Variants in ZMIZ1 observed in about 807,000 individuals in gnomAD.
ZMIZ1 encodes the protein zinc finger MIZ-type containing 1, also known as zinc finger MIZ domain-containing protein 1.
In ZMIZ1, 17 loss-of-function variants were observed where a neutral mutation model predicts 113.9. That is an observed-to-expected ratio of 0.15 (90% confidence interval 0.10 to 0.22). The LOEUF (loss-of-function observed/expected upper bound fraction) is 0.22, where lower values mean the gene tolerates loss of function less well. Among genes scored for constraint, ZMIZ1 ranks in the 10% least tolerant of loss-of-function variants. The pLI is 1.00. For synonymous variants in ZMIZ1, 607 were observed against 603.1 expected (o/e 1.01, Z -0.09); for missense variants, 1,059 against 1,477.8 (o/e 0.72, Z 4.65).
In ZMIZ1 at chr10:79,201,659, G is replaced by C. The variant is rs900591463; in HGVS notation, c.27G>C (p.Gln9His). Residue 9 changes from glutamine (Q) to histidine (H), a missense_variant, in exon 5 of 25, where the codon CAG becomes CAC. Physicochemically the swap from Gln to His is conservative, Grantham distance 24. This residue lies in a region of ZMIZ1 where 272 missense variants were observed against 350.4 expected (regional missense o/e 0.78). Transcript: ENST00000334512. ...TGAATTCTATGGACAGGCACATCCA[G>C]CAGACCAATGACCGACTGCAGTGCA... is the stretch of plus-strand genomic sequence containing the variant. MNSMDRHI[Q>H]QTNDRLQCIK... The C allele has an allele frequency of 6.2e-7, 1 of 1,613,500 alleles. No individual in the cohort carries two copies. Among genetic ancestry groups the C allele is most frequent in the African/African-American group, 1.3e-5 (1 of 74,942 alleles).
chr10:79,109,922 A>G (rs992175105), intron 1 of ZMIZ1, among the ~76,000 whole-genome samples: 1 of 152,256 alleles, frequency 6.6e-6, no homozygotes, highest in Non-Finnish European at 1.5e-5. Flanking sequence ...TAAGATGGCA[A>G]TAATGACCCT....
intron 8 of ZMIZ1, among the ~76,000 whole-genome samples, chr10:79,284,667 T>A (rs1852949445): frequency 6.6e-6 from 1 of 152,158 alleles, no homozygotes; most frequent in Admixed American, 6.5e-5. Flanking sequence ...TAGTCCCACT[T>A]TACAGATGAG....
chr10:79,301,538 C>G (rs532819451), intron 17 of ZMIZ1, among the ~76,000 whole-genome samples: 1 of 152,262 alleles, frequency 6.6e-6, no homozygotes, highest in Non-Finnish European at 1.5e-5. Flanking sequence ...ATTGCCTGCC[C>G]CACTCCACTG....
At chr10:79,269,484 C>T (rs192525776) in intron 7 of ZMIZ1, among the ~76,000 whole-genome samples, 5 of 148,186 alleles carry the variant, frequency 3.4e-5, no homozygotes, top group Admixed American at 1.4e-4. Flanking sequence ...CACACACACA[C>T]ACACACTTTC....
At chr10:79,160,238 CTG>C (rs1401973593) in intron 3 of ZMIZ1, among the ~76,000 whole-genome samples, 1 of 152,194 alleles carries the variant, frequency 6.6e-6, no homozygotes, top group African/African-American at 2.4e-5. Context: ...AACCCCAAAA[CTG>C]TTTGTATTTC....
At chr10:79,225,887 C>A (rs141996134) in intron 7 of ZMIZ1, among the ~76,000 whole-genome samples, 128 of 152,334 alleles carry the variant, frequency 8.4e-4, no homozygotes, top group Non-Finnish European at 1.4e-3. Context: ...TACACCATTT[C>A]TCTGCCTTCA....
intron 1 of ZMIZ1, among the ~76,000 whole-genome samples, chr10:79,115,646 C>T (rs146373052): frequency 6.6e-6 from 1 of 152,336 alleles, no homozygotes; most frequent in African/African-American, 2.4e-5. Context: ...TTAGATGACA[C>T]TGGGGGGAAC....
In ZMIZ1 at chr10:79,269,456, AACACACACACACAC is replaced by A. The variant is rs55634343; in HGVS notation, c.281-7704_281-7691del. ...AGCACCCCTCCCAACACCTCCCCCC[AACACACACACACAC>A]ACACACACACACACACACACTTTCT... is the stretch of plus-strand genomic sequence containing the variant. On this transcript the variant is annotated intron_variant, in intron 7 of 24. Coordinates refer to ENST00000334512, the MANE Select transcript of ZMIZ1 (RefSeq NM_020338.4). 1.7e-4 allele frequency among the ~76,000 whole-genome samples: 23 copies of A among 138,568 alleles called. No individual in the cohort carries two copies. In the Middle Eastern group the frequency reaches 0.011, roughly 64 times the overall value. 90.9% of individuals were successfully genotyped at this position (138,568 alleles called of 152,430 possible). A position where few individuals can be genotyped will look rare whatever the true frequency, so the allele number is the denominator to read the frequency against.
chr10:79,277,729 G>A (rs891103659), intron 8 of ZMIZ1, among the ~76,000 whole-genome samples: 1 of 152,200 alleles, frequency 6.6e-6, no homozygotes, highest in Admixed American at 6.5e-5. Flanking sequence ...CCACCCTGGA[G>A]CCAAGTAAGA....
intron 2 of ZMIZ1, among the ~76,000 whole-genome samples, chr10:79,121,580 G>A (rs1477137383): frequency 2.0e-5 from 3 of 152,196 alleles, no homozygotes; most frequent in Non-Finnish European, 4.4e-5. Flanking sequence ...CCAGCAGAAA[G>A]CTCTGGGGTA....
At chr10:79,127,368 G>A (rs1844564176) in intron 2 of ZMIZ1, among the ~76,000 whole-genome samples, 2 of 152,172 alleles carry the variant, frequency 1.3e-5, no homozygotes, top group African/African-American at 4.8e-5. Flanking sequence ...TGGACTACAA[G>A]TCCCCGGGAT....
chr10:79,310,324 C>T (rs1224337763), intron 23 of ZMIZ1, among the ~76,000 whole-genome samples: 9 of 152,218 alleles, frequency 5.9e-5, no homozygotes, highest in African/African-American at 2.2e-4. Context: ...AGCCAAATTC[C>T]ACCCGCGCTG....
intron 7 of ZMIZ1, among the ~76,000 whole-genome samples, chr10:79,217,010 A>T (rs1186091386): frequency 6.6e-6 from 1 of 152,200 alleles, no homozygotes; most frequent in African/African-American, 2.4e-5. Flanking sequence ...TGCTAGCTTT[A>T]AGCCGGACAG....
intron 14 of ZMIZ1, 62 bp downstream of exon 14, chr10:79,297,752 C>A: frequency 6.9e-7 from 1 of 1,455,676 alleles, no homozygotes; most frequent in South Asian, 1.1e-5. Flanking sequence ...TAAAGGTTCT[C>A]ACTGTTCCTG....
chr10:79,138,572 A>C (rs1461880808), intron 2 of ZMIZ1, among the ~76,000 whole-genome samples: 2 of 152,148 alleles, frequency 1.3e-5, no homozygotes, highest in African/African-American at 2.4e-5. Flanking sequence ...GACAGTACTA[A>C]AGGCTGCAGC....
intron 4 of ZMIZ1, among the ~76,000 whole-genome samples, chr10:79,193,942 G>A (rs138382288): frequency 2.6e-5 from 4 of 152,228 alleles, no homozygotes; most frequent in African/African-American, 9.6e-5. Context: ...CAGGTTGGCA[G>A]GTCATTGCTG....
chr10:79,171,574 C>G (rs1485944083), intron 4 of ZMIZ1, among the ~76,000 whole-genome samples: 1 of 152,250 alleles, frequency 6.6e-6, no homozygotes, highest in East Asian at 1.9e-4. Flanking sequence ...GACAAAGAAA[C>G]AGACCTGTGC....
Position 79,117,058 on chromosome 10 carries a change from G to A in ZMIZ1, c.-336-1857G>A, listed in dbSNP as rs142538634. 1.3e-4 allele frequency among the ~76,000 whole-genome samples: 20 copies of A among 152,358 alleles called. No individual in the cohort carries two copies. In the East Asian group the frequency reaches 1.9e-3, roughly 15 times the overall value. On this transcript the variant is annotated intron_variant, in intron 1 of 24. Coordinates refer to ENST00000334512, the MANE Select transcript of ZMIZ1 (RefSeq NM_020338.4). Reference sequence around the variant, plus strand: ...AAGGTCCAGATGGCCTCAGTCACACGGGCAGTGGGTGCTGGCTGTTGCCAG... The same window carrying A: ...AAGGTCCAGATGGCCTCAGTCACACAGGCAGTGGGTGCTGGCTGTTGCCAG...
chr10:79,177,910 C>T (rs1041495965), intron 4 of ZMIZ1, among the ~76,000 whole-genome samples: 79 of 152,170 alleles, frequency 5.2e-4, no homozygotes, highest in Non-Finnish European at 4.4e-5. Context: ...TTTCTGGTCA[C>T]CTTATAATTT....
Sources: gnomAD v4.1 joint callset for allele counts (sites outside exome capture counted in the v4.1 genomes callset) on GRCh38, gnomAD v4.1.1 for gene constraint, gnomAD v4.1.1 regional missense constraint, MANE v1.5 for transcripts, NCBI Gene and HGNC (gene_info 2026-07-23, HGNC 2026-07-21) for gene names.